TSPEAR: variants seen among roughly 807,000 people sequenced by gnomAD.
TSPEAR encodes the protein thrombospondin type laminin G domain and EAR repeats.
A neutral mutation model predicts 71.6 loss-of-function variants in TSPEAR; 69 were observed. That is an observed-to-expected ratio of 0.96 (90% CI 0.79 to 1.18). The LOEUF is 1.18. TSPEAR is among the 50% of genes most tolerant of loss of function. The pLI is 0.00. For missense variants in TSPEAR, 971 were observed against 894.9 expected (o/e 1.09, Z -1.09); for synonymous variants, 402 against 387.2 (o/e 1.04, Z -0.45).
chr21:44,697,638 C>T lies in TSPEAR; in HGVS notation c.82+13795G>A, dbSNP rs35076450. ...CAGCCAGCTTGCTGCATCTCCTCCC[C>T]GTGTCAACAGTCCTGCTGTGTGCCC... is the stretch of plus-strand genomic sequence containing the variant. On this transcript the variant is annotated intron_variant, in intron 1 of 11. Transcript: ENST00000323084. 2.1e-5 allele frequency: 34 copies of T among 1,613,618 alleles called. No homozygotes were observed. Among genetic ancestry groups the T allele is most frequent in the Admixed American group, 5.0e-5 (3 of 59,970 alleles).
At chr21:44,599,568 C>T (rs1980635732) in intron 1 of TSPEAR, among the ~76,000 whole-genome samples, 1 of 152,250 alleles carries the variant, frequency 6.6e-6, no homozygotes, top group Non-Finnish European at 1.5e-5. Flanking sequence ...AGGGTTACTA[C>T]CCCTTCACTT....
intron 1 of TSPEAR, chr21:44,666,456 G>A (rs2146274151): frequency 6.3e-7 from 1 of 1,582,834 alleles, no homozygotes; most frequent in East Asian, 2.2e-5. Context: ...TCAGCAGCAG[G>A]AAGAGATACT....
chr21:44,529,707 GC>G, intron 5 of TSPEAR, 90 bp downstream of exon 5: 1 of 1,446,464 alleles, frequency 6.9e-7, no homozygotes, highest in Non-Finnish European at 9.6e-7. Flanking sequence ...CACGAGAGGG[GC>G]TGAGAGCTGA....
intron 2 of TSPEAR, chr21:44,551,366 G>A (rs1247130636): frequency 4.0e-5 from 64 of 1,613,048 alleles, no homozygotes; most frequent in Middle Eastern, 1.9e-4. Context: ...TGGGGGTGCC[G>A]CAGGGGAGCT....
chr21:44,677,797 C>A, intron 1 of TSPEAR: 1 of 1,289,632 alleles, frequency 7.8e-7, no homozygotes, highest in East Asian at 2.3e-5. Context: ...GGCAATGGAA[C>A]ATTATAAGGT....
At chr21:44,698,098 C>G (rs1987471825) in intron 1 of TSPEAR, 2 of 882,842 alleles carry the variant, frequency 2.3e-6, no homozygotes, top group Non-Finnish European at 3.4e-6. Context: ...CCCCTAAGCC[C>G]TGGGGGCTCC....
At chr21:44,501,803 G>T (rs1457299468) in intron 11 of TSPEAR, among the ~76,000 whole-genome samples, 3 of 152,110 alleles carry the variant, frequency 2.0e-5, no homozygotes, top group Non-Finnish European at 4.4e-5. Context: ...TATTAAAAAG[G>T]TACCCAGGCC....
intron 1 of TSPEAR, chr21:44,646,725 C>T (rs782802389): frequency 1.2e-6 from 2 of 1,614,152 alleles, no homozygotes; most frequent in Non-Finnish European, 8.5e-7. Context: ...AGCCGGCTTG[C>T]TGCACCTCCT....
Position 44,509,384 on chromosome 21 carries a change from C to T in TSPEAR, c.1569G>A (p.Thr523=), listed in dbSNP as rs909814597. 17 of 1,611,128 alleles carry T rather than the reference C, an allele frequency of 1.1e-5. No homozygotes were observed. The highest frequency in any genetic ancestry group is 2.7e-5 in the African/African-American group (2 of 74,544). Residue 523 remains threonine (T), a splice_region_variant and synonymous_variant, in exon 10 of 12, where the codon ACG becomes ACA. Transcript: ENST00000323084. The part of the protein sequence containing the change: ...GSFQLFQSFP[T]FGAADWEVFQ... ...AGACCTCCCAGTCTGCAGCACCGAA[C>T]GTCTAGGACCAAAGGAGAGCAGGTG...
At chr21:44,601,623 C>G (rs782339129) in intron 1 of TSPEAR, 2 of 1,613,694 alleles carry the variant, frequency 1.2e-6, no homozygotes, top group Non-Finnish European at 1.7e-6. Context: ...CCACCTCCTC[C>G]TGCCAGGCCA....
chr21:44,528,344 A>T, intron 6 of TSPEAR, 108 bp downstream of exon 6: 5 of 1,492,160 alleles, frequency 3.4e-6, no homozygotes, highest in Non-Finnish European at 4.6e-6. Context: ...GCCAAGCCTG[A>T]GGTCATTCAG....
In TSPEAR at chr21:44,528,333, G is replaced by A. The variant is rs893376414; in HGVS notation, c.922+119C>T. 4.4e-5 allele frequency: 63 copies of A among 1,434,736 alleles called. No individual in the cohort carries two copies. The African/African-American group carries it at 6.8e-4, about 16-fold the overall frequency. The allele number at this position is 1,434,736 out of a possible 1,614,324, so 88.9% of individuals were successfully genotyped here. A position where few individuals can be genotyped will look rare whatever the true frequency, so the allele number is the denominator to read the frequency against. The stretch of plus-strand genomic sequence containing the variant: ...ACTCTTAGAAGTGCCCCAGCCTGAC[G>A]GCCAAGCCTGAGGTCATTCAGAGGT... On this transcript the variant is annotated intron_variant, in intron 6 of 11. Coordinates refer to ENST00000323084, the MANE Select transcript of TSPEAR (RefSeq NM_144991.3).
chr21:44,534,458 G>A (rs1555916172), intron 2 of TSPEAR, among the ~76,000 whole-genome samples: 1 of 146,198 alleles, frequency 6.8e-6, no homozygotes, highest in Non-Finnish European at 1.5e-5. Flanking sequence ...GGCGGGGCTG[G>A]TGTGTGAGGG....
chr21:44,626,169 TA>T (rs2146200246), intron 1 of TSPEAR, among the ~76,000 whole-genome samples: 1 of 152,406 alleles, frequency 6.6e-6, no homozygotes, highest in East Asian at 1.9e-4. Context: ...CTTGAATTTT[TA>T]AATAAAAATG....
intron 1 of TSPEAR, among the ~76,000 whole-genome samples, chr21:44,616,409 G>A (rs1391639510): frequency 2.6e-5 from 4 of 152,178 alleles, no homozygotes; most frequent in African/African-American, 4.8e-5. Flanking sequence ...CAGACACAAG[G>A]CTGGGGCACT....
At chr21:44,556,657 A>C (rs1322195326) in intron 2 of TSPEAR, among the ~76,000 whole-genome samples, 2 of 152,178 alleles carry the variant, frequency 1.3e-5, no homozygotes, top group Non-Finnish European at 2.9e-5. Context: ...GCACCACTGC[A>C]CTCCAGTCTG....
At chr21:44,550,686 G>A (rs374962150) in intron 2 of TSPEAR, 1 of 1,613,358 alleles carries the variant, frequency 6.2e-7, no homozygotes, top group East Asian at 2.2e-5. Flanking sequence ...TGGGGGACAT[G>A]GCCATCAGCA....
intron 2 of TSPEAR, chr21:44,558,432 C>T (rs2053578703): frequency 6.2e-7 from 1 of 1,613,958 alleles, no homozygotes; most frequent in African/African-American, 1.3e-5. Context: ...GGCCTGCTGG[C>T]AGGGGGAGGA....
At position 44,531,989 on chromosome 21, in the gene TSPEAR, G is replaced by A. The variant is rs587637118; in HGVS notation, c.543-856C>T. Among the ~76,000 whole-genome samples the A allele has an allele frequency of 1.1e-4, 17 of 152,340 alleles. 1 individual carries two copies. The East Asian group carries it at 3.3e-3, about 29-fold the overall frequency. On this transcript the variant is annotated intron_variant, in intron 3 of 11. Transcript: ENST00000323084. ...CTGCTCCTTCCAGTCTTTGCCATCT[G>A]GCTGCAGCTGGCCGTGGTGAGCTCA...
Sources: gnomAD v4.1 joint callset for allele counts (sites outside exome capture counted in the v4.1 genomes callset) on GRCh38, gnomAD v4.1.1 for gene constraint, MANE v1.5 for transcripts, NCBI Gene and HGNC (gene_info 2026-07-23, HGNC 2026-07-21) for gene names.